The following SDCCAG8 variants were observed in gnomAD, a reference collection of about 807,000 sequenced individuals.
The protein encoded by SDCCAG8 is SHH signaling and ciliogenesis regulator SDCCAG8.
SDCCAG8 carries 74 observed loss-of-function variants against 101.8 expected under a neutral mutation model. The observed-to-expected ratio is 0.73, with a 90% CI of 0.60 to 0.88. The LOEUF (loss-of-function observed/expected upper bound fraction) is 0.88. SDCCAG8 is among the 40% of genes least tolerant of loss of function. The pLI, the probability that SDCCAG8 is intolerant of heterozygous loss-of-function variation, is 0.00. For synonymous variants in SDCCAG8, 281 were observed against 292.9 expected, an observed-to-expected ratio of 0.96 and a Z score of 0.41; for missense variants, 787 against 822.6, an observed-to-expected ratio of 0.96 and a Z score of 0.53.
chr1:243,454,680 A>G (rs2083607229), intron 16 of SDCCAG8, among the ~76,000 whole-genome samples: 1 of 152,190 alleles, frequency 6.6e-6, no homozygotes, highest in Non-Finnish European at 1.5e-5. Flanking sequence ...GGAGAGTTGG[A>G]GAAGTTACAT....
intron 1 of SDCCAG8, 60 bp from the exon 2 acceptor site, chr1:243,270,045 A>G: frequency 6.2e-7 from 1 of 1,612,912 alleles, no homozygotes; most frequent in Non-Finnish European, 8.5e-7. Flanking sequence ...TTCCTGAGTA[A>G]GTGTCCGTTT....
intron 16 of SDCCAG8, among the ~76,000 whole-genome samples, chr1:243,439,670 T>C (rs1490345136): frequency 1.5e-5 from 1 of 67,266 alleles, no homozygotes; most frequent in African/African-American, 5.9e-5. Flanking sequence ...ACACACATCA[T>C]TGGAGCTATT....
intron 16 of SDCCAG8, among the ~76,000 whole-genome samples, chr1:243,447,820 AAACTTTACAAAGAAGGGT>A (rs1435507005): frequency 1.3e-5 from 2 of 152,210 alleles, no homozygotes; most frequent in Non-Finnish European, 2.9e-5. Flanking sequence ...TAAACATTTA[AAACTTTACAAAGAAGGGT>A]AAGGGGATAT....
intron 17 of SDCCAG8, among the ~76,000 whole-genome samples, chr1:243,489,589 T>C (rs997781963): frequency 1.3e-5 from 2 of 152,214 alleles, no homozygotes; most frequent in Non-Finnish European, 2.9e-5. Flanking sequence ...AGGCATCTCA[T>C]CCTAAATTAG....
intron 16 of SDCCAG8, among the ~76,000 whole-genome samples, chr1:243,428,779 T>A (rs1361702702): frequency 6.6e-6 from 1 of 152,220 alleles, no homozygotes; most frequent in African/African-American, 2.4e-5. Flanking sequence ...CAGTATTAGA[T>A]CGTAACTGCA....
At chr1:243,490,630 G>A (rs532765762) in intron 17 of SDCCAG8, among the ~76,000 whole-genome samples, 4 of 152,360 alleles carry the variant, frequency 2.6e-5, no homozygotes, top group South Asian at 4.1e-4. Context: ...CTGGCTTCAC[G>A]GGCTACTGGG....
At chr1:243,278,408 ATGGGGT>A (rs747994301) in intron 4 of SDCCAG8, among the ~76,000 whole-genome samples, 38 of 152,134 alleles carry the variant, frequency 2.5e-4, no homozygotes, top group Non-Finnish European at 4.0e-4. Flanking sequence ...TTTAATAGAG[ATGGGGT>A]TTCACTATGT....
chr1:243,409,438 C>T (rs773894275), intron 13 of SDCCAG8, among the ~76,000 whole-genome samples: 2 of 152,024 alleles, frequency 1.3e-5, no homozygotes, highest in Non-Finnish European at 2.9e-5. Flanking sequence ...ATATTCATAT[C>T]CAGACTTAGT....
chr1:243,486,889 G>A lies in SDCCAG8; in HGVS notation c.1986-2125G>A, dbSNP rs148964410. Among the ~76,000 whole-genome samples the A allele has an allele frequency of 3.7e-3, 566 of 152,130 alleles. 4 individuals carry two copies. Among genetic ancestry groups the A allele is most frequent in the African/African-American group, 0.013 (558 of 41,462 alleles). ...GCAATGTCATGATGTCATTTGTCAC[G>A]TTTCTGTTCCATTCTTTTCGAGCAA... On this transcript the variant is annotated intron_variant, in intron 16 of 17. Coordinates refer to ENST00000366541, the MANE Select transcript of SDCCAG8 (RefSeq NM_006642.5).
intron 12 of SDCCAG8, among the ~76,000 whole-genome samples, chr1:243,363,580 A>C (rs2076837207): frequency 6.6e-6 from 1 of 152,178 alleles, no homozygotes; most frequent in Non-Finnish European, 1.5e-5. Context: ...TTGAGTCTTA[A>C]AATCATTTTT....
In SDCCAG8 at chr1:243,483,682, A is replaced by G. The variant is rs533348084; in HGVS notation, c.1986-5332A>G. 1.1e-3 allele frequency among the ~76,000 whole-genome samples: 172 copies of G among 152,146 alleles called. 1 individual carries two copies. The highest frequency in any genetic ancestry group is 3.9e-3 in the African/African-American group (161 of 41,520). Reference sequence around the variant, plus strand: ...AGGCTCCGCAGGGCGCTCCGCCACCAGGTGGCATTTCCCACAAACCGGCCA... The same window carrying G: ...AGGCTCCGCAGGGCGCTCCGCCACCGGGTGGCATTTCCCACAAACCGGCCA... On this transcript the variant is annotated intron_variant, in intron 16 of 17. Transcript: ENST00000366541.
At chr1:243,266,483 AC>A (rs1339837027) in intron 1 of SDCCAG8, among the ~76,000 whole-genome samples, 1 of 151,748 alleles carries the variant, frequency 6.6e-6, no homozygotes, top group African/African-American at 2.4e-5. Context: ...CAACCTGCCA[AC>A]CTTTTTTGTA....
intron 9 of SDCCAG8, among the ~76,000 whole-genome samples, chr1:243,320,162 C>T (rs746924789): frequency 4.6e-5 from 7 of 152,198 alleles, no homozygotes; most frequent in Non-Finnish European, 1.0e-4. Context: ...CTGTCCTTCA[C>T]CCCTAACTTT....
intron 13 of SDCCAG8, among the ~76,000 whole-genome samples, chr1:243,394,302 T>G (rs1337000119): frequency 6.6e-6 from 1 of 152,212 alleles, no homozygotes; most frequent in Non-Finnish European, 1.5e-5. Context: ...TGTCAAAAAA[T>G]TAGACTTATT....
chr1:243,333,853 T>A (rs2074802880), intron 10 of SDCCAG8, among the ~76,000 whole-genome samples: 1 of 152,200 alleles, frequency 6.6e-6, no homozygotes, highest in South Asian at 2.1e-4. Flanking sequence ...GATAGGAGGT[T>A]CTGGAGTTTA....
At chr1:243,396,399 G>T (rs1352143852) in intron 13 of SDCCAG8, among the ~76,000 whole-genome samples, 1 of 152,042 alleles carries the variant, frequency 6.6e-6, no homozygotes, top group African/African-American at 2.4e-5. Context: ...TTAAATGATG[G>T]AATTTATAAT....
At chr1:243,399,329 C>T (rs2079221915) in intron 13 of SDCCAG8, among the ~76,000 whole-genome samples, 1 of 152,036 alleles carries the variant, frequency 6.6e-6, no homozygotes, top group Non-Finnish European at 1.5e-5. Context: ...GTCTGAGAAA[C>T]CCCATTAAAA....
At chr1:243,374,707 C>G (rs1444421007) in intron 12 of SDCCAG8, among the ~76,000 whole-genome samples, 1 of 151,676 alleles carries the variant, frequency 6.6e-6, no homozygotes, top group Admixed American at 6.6e-5. Flanking sequence ...TGTACTTCGA[C>G]CAAAAAAGGG....
intron 4 of SDCCAG8, among the ~76,000 whole-genome samples, chr1:243,275,784 TAAGAG>T (rs1398194047): frequency 6.7e-6 from 1 of 148,936 alleles, no homozygotes; most frequent in Non-Finnish European, 1.5e-5. Flanking sequence ...ATAATTATAA[TAAGAG>T]AAGAAGGTTA....
Sources: allele counts gnomAD v4.1 joint callset (sites outside exome capture counted in the v4.1 genomes callset), GRCh38; gene constraint gnomAD v4.1.1; transcripts MANE v1.5; gene names NCBI Gene and HGNC (gene_info 2026-07-23, HGNC 2026-07-21).